Variants in SPATA7 observed in about 807,000 individuals in gnomAD.
SPATA7 encodes spermatogenesis-associated protein 7.
A neutral mutation model predicts 51.8 loss-of-function variants in SPATA7; 43 were observed. The ratio of observed to expected loss-of-function variants is 0.83; its 90% confidence interval spans 0.65 to 1.07. The LOEUF is 1.07. Among genes scored for constraint, SPATA7 ranks in the 50% least tolerant of loss-of-function variants. The pLI is 0.00. For missense variants in SPATA7, 683 were observed against 701.3 expected (o/e 0.97, Z 0.30); for synonymous variants, 230 against 252.8 (o/e 0.91, Z 0.86).
At chr14:88,447,483 C>T (rs1429609711) in intron 3 of SPATA7, among the ~76,000 whole-genome samples, 4 of 152,046 alleles carry the variant, frequency 2.6e-5, no homozygotes, top group Non-Finnish European at 5.9e-5. Context: ...AGTCCATTTA[C>T]ATTTAAAGTT....
downstream of SPATA7, among the ~76,000 whole-genome samples, chr14:88,456,302 G>A (rs1312156856): frequency 3.9e-5 from 6 of 152,174 alleles, no homozygotes; most frequent in Non-Finnish European, 8.8e-5. Flanking sequence ...TCGCCACACT[G>A]ACTTCCACAA....
In SPATA7 at chr14:88,461,199, A is replaced by G. The variant is rs200373565; in HGVS notation, c.255-8648A>G. Among the ~76,000 whole-genome samples, 7 of 152,254 alleles carry G rather than the reference A, an allele frequency of 4.6e-5. No individual in the cohort carries two copies. The East Asian group carries it at 1.4e-3, about 29-fold the overall frequency. ...GCAGTCTGTCCGTTCTCAGATCTCA[A>G]ACTCCTTTCTGGGAGAACCACTATT... is the stretch of plus-strand genomic sequence containing the variant. On this transcript the variant is annotated intron_variant, in intron 4 of 4. Transcript: ENST00000556406.
At chr14:88,462,898 T>C (rs1035060915) in intron 4 of SPATA7, among the ~76,000 whole-genome samples, 4 of 152,234 alleles carry the variant, frequency 2.6e-5, no homozygotes, top group Admixed American at 6.5e-5. Flanking sequence ...TGTCCCTATT[T>C]ATAATATTAA....
chr14:88,417,710 T>C (rs768665358), intron 5 of SPATA7, among the ~76,000 whole-genome samples: 2 of 152,232 alleles, frequency 1.3e-5, no homozygotes, highest in Non-Finnish European at 2.9e-5. Flanking sequence ...TACATTACCT[T>C]TTTTATTCAT....
At chr14:88,416,409 C>CTTT (rs536916579) in intron 4 of SPATA7, 72 of 121,002 alleles carry the variant, frequency 6.0e-4, no homozygotes, top group Middle Eastern at 4.8e-3. Context: ...TGTTGGCATT[C>CTTT]TTTTTTTTTT....
chr14:88,459,398 A>G (rs899025297), downstream of SPATA7, among the ~76,000 whole-genome samples: 3 of 152,126 alleles, frequency 2.0e-5, no homozygotes, highest in Non-Finnish European at 2.9e-5. Context: ...TTATGAATCT[A>G]GGTGCTCCTG....
downstream of SPATA7, among the ~76,000 whole-genome samples, chr14:88,439,886 C>G (rs2077165843): frequency 6.6e-6 from 1 of 152,080 alleles, no homozygotes; most frequent in African/African-American, 2.4e-5. Context: ...TTTGGCACAC[C>G]TTCCCCTCAG....
At chr14:88,428,465 C>T (rs1343948797) in intron 7 of SPATA7, 1 of 152,090 alleles carries the variant, frequency 6.6e-6, no homozygotes, top group Non-Finnish European at 1.5e-5. Flanking sequence ...TGACATAGGG[C>T]CCTGCCACTT....
rs1441309612 is a variant in SPATA7, at chr14:88,395,446, G to A, written c.191-710G>A. ...GTTTTTTAGTTTTATAAACTAAACA[G>A]GTTATTTCATAACCTGTTCAAGAAA... is the stretch of plus-strand genomic sequence containing the variant. On this transcript the variant is annotated intron_variant, in intron 3 of 11. Transcript: ENST00000393545. Among the ~76,000 whole-genome samples the A allele has an allele frequency of 1.1e-4, 17 of 151,998 alleles. No homozygotes were observed. The East Asian group carries it at 3.3e-3, about 29-fold the overall frequency.
intron 8 of SPATA7, among the ~76,000 whole-genome samples, chr14:88,430,703 CTG>C (rs762553983): frequency 5.9e-5 from 9 of 152,080 alleles, no homozygotes; most frequent in Non-Finnish European, 1.0e-4. Flanking sequence ...GTTTAAAAAC[CTG>C]TCTTTGCTGC....
chr14:88,465,011 C>G (rs1265664277), intron 4 of SPATA7, among the ~76,000 whole-genome samples: 3 of 152,172 alleles, frequency 2.0e-5, no homozygotes, highest in African/African-American at 7.2e-5. Flanking sequence ...CTGTTTCTGG[C>G]TAGACATTGC....
intron 3 of SPATA7, among the ~76,000 whole-genome samples, chr14:88,453,060 C>T (rs2077262823): frequency 6.6e-6 from 1 of 152,206 alleles, no homozygotes; most frequent in Non-Finnish European, 1.5e-5. Flanking sequence ...CCTACCCCAA[C>T]TCTGTGATCT....
At chr14:88,431,296 A>G in intron 9 of SPATA7, 71 bp downstream of exon 9, 9 of 1,380,874 alleles carry the variant, frequency 6.5e-6, no homozygotes, top group Admixed American at 5.0e-5. Flanking sequence ...ACCATATTAA[A>G]TAAGTCAGGA....
chr14:88,399,717 G>A (rs1292410728), intron 4 of SPATA7, among the ~76,000 whole-genome samples: 3 of 152,108 alleles, frequency 2.0e-5, no homozygotes, highest in Non-Finnish European at 4.4e-5. Context: ...ACCGCGCCTG[G>A]CCTTAAAATG....
chr14:88,438,241 T>C lies in SPATA7; in HGVS notation c.1619T>C (p.Val540Ala), dbSNP rs1386734363. The C allele has an allele frequency of 6.2e-7, 1 of 1,614,016 alleles. No individual in the cohort carries two copies. Among genetic ancestry groups the C allele is most frequent in the Non-Finnish European group, 8.5e-7 (1 of 1,179,998 alleles). Reference protein sequence around the residue: ...SLTDRETSVNVIEGDSDPEKV... With the variant: ...SLTDRETSVNAIEGDSDPEKV... ...ACAGATCGGGAAACTTCTGTGAATG[T>C]CATTGAAGGTGATAGTGACCCTGAA... is the stretch of plus-strand genomic sequence containing the variant. The change falls in exon 12 of 12, where the codon GTC becomes GCC. Residue 540 changes from valine (V) to alanine (A), a missense_variant. Coordinates refer to ENST00000393545, the MANE Select transcript of SPATA7 (RefSeq NM_018418.5).
intron 1 of SPATA7, among the ~76,000 whole-genome samples, chr14:88,389,304 A>G (rs2075675266): frequency 6.6e-6 from 1 of 151,642 alleles, no homozygotes; most frequent in African/African-American, 2.4e-5. Flanking sequence ...TCCTGGGCTC[A>G]ATCATCCTCC....
chr14:88,442,419 A>G (rs1398050156), downstream of SPATA7, among the ~76,000 whole-genome samples: 3 of 152,094 alleles, frequency 2.0e-5, no homozygotes, highest in Non-Finnish European at 2.9e-5. Flanking sequence ...CATGTGGGCC[A>G]TGTTGGCCAG....
At chr14:88,449,885 A>T (rs1339284518) in intron 3 of SPATA7, among the ~76,000 whole-genome samples, 1 of 152,102 alleles carries the variant, frequency 6.6e-6, no homozygotes. Flanking sequence ...GTGATACAAG[A>T]ATAGCTACTC....
intron 3 of SPATA7, among the ~76,000 whole-genome samples, chr14:88,444,966 A>G (rs1379835552): frequency 4.6e-5 from 7 of 152,112 alleles, no homozygotes; most frequent in Admixed American, 2.0e-4. Context: ...TTGGCGATGC[A>G]GGCTCTTTTT....
Sources: gnomAD v4.1 joint callset for allele counts (sites outside exome capture counted in the v4.1 genomes callset) on GRCh38, gnomAD v4.1.1 for gene constraint, MANE v1.5 for transcripts, NCBI Gene and HGNC (gene_info 2026-07-23, HGNC 2026-07-21) for gene names.